Variants in RAD51B observed in about 807,000 individuals in gnomAD.
RAD51B encodes RAD51 paralog B, also known as DNA repair protein RAD51 homolog 2.
RAD51B carries 38 observed loss-of-function variants against 42.2 expected under a neutral mutation model. The ratio of observed to expected loss-of-function variants is 0.90; its 90% CI spans 0.70 to 1.18. RAD51B has a LOEUF of 1.18. Ranked by LOEUF, RAD51B falls within the 50% of genes most tolerant of loss-of-function variation. RAD51B has a pLI of 0.00. For synonymous variants in RAD51B, 154 were observed against 145.2 expected, an observed-to-expected ratio of 1.06 and a Z score of -0.43; for missense variants, 373 against 400.7, an observed-to-expected ratio of 0.93 and a Z score of 0.59.
At chr14:68,431,224 T>C (rs12890594) in intron 9 of RAD51B, among the ~76,000 whole-genome samples, 6 of 152,314 alleles carry the variant, frequency 3.9e-5, no homozygotes, top group African/African-American at 9.6e-5. Flanking sequence ...TTTTTTGTTG[T>C]GTCTCTGCCA....
chr14:68,364,258 C>G (rs943975359), intron 8 of RAD51B, among the ~76,000 whole-genome samples: 1 of 152,204 alleles, frequency 6.6e-6, no homozygotes, highest in African/African-American at 2.4e-5. Flanking sequence ...CTCAGGGGAG[C>G]CCTGTCTCCA....
chr14:68,049,276 T>C (rs1322465301), intron 7 of RAD51B, among the ~76,000 whole-genome samples: 5 of 152,060 alleles, frequency 3.3e-5, no homozygotes, highest in South Asian at 2.1e-4. Context: ...TTAATGGGTG[T>C]AGCACACCAA....
chr14:68,089,678 C>G (rs1326883473), intron 7 of RAD51B, among the ~76,000 whole-genome samples: 1 of 152,184 alleles, frequency 6.6e-6, no homozygotes, highest in African/African-American at 2.4e-5. Flanking sequence ...TCCCACCATC[C>G]CCTTTCCCCC....
At chr14:68,035,957 G>T (rs1010264945) in intron 7 of RAD51B, among the ~76,000 whole-genome samples, 8 of 152,070 alleles carry the variant, frequency 5.3e-5, no homozygotes, top group Non-Finnish European at 1.2e-4. Context: ...TGATCTAGAT[G>T]GCAGTTTATT....
intron 10 of RAD51B, among the ~76,000 whole-genome samples, chr14:68,574,507 G>A (rs1244622535): frequency 6.6e-6 from 1 of 152,150 alleles, no homozygotes; most frequent in Non-Finnish European, 1.5e-5. Context: ...CATCTTTGTG[G>A]ATCTCTACCA....
intron 10 of RAD51B, among the ~76,000 whole-genome samples, chr14:68,573,869 C>G (rs1889830758): frequency 6.6e-6 from 1 of 152,204 alleles, no homozygotes; most frequent in Non-Finnish European, 1.5e-5. Flanking sequence ...GTTCCCTCTA[C>G]AGAGCCCGGC....
chr14:68,310,802 G>A (rs749095660), intron 8 of RAD51B, among the ~76,000 whole-genome samples: 10 of 152,088 alleles, frequency 6.6e-5, no homozygotes, highest in African/African-American at 1.4e-4. Context: ...CAGAGATCAC[G>A]CCACTGCACT....
Position 67,887,148 on chromosome 14 carries a change from T to C in RAD51B, c.700T>C (p.Phe234Leu). ...AGGCAATCTCAAAGAAAGAAACAAG[T>C]TCTTGGCAAGAGAGGCATCCTCCTT... Reference protein sequence around the residue: ...LQGNLKERNKFLAREASSLKY... With the variant: ...LQGNLKERNKLLAREASSLKY... The change falls in exon 7 of 11, where the codon TTC (phenylalanine) becomes CTC (leucine). Residue 234 changes from phenylalanine (F) to leucine (L), a missense_variant. By Grantham distance (22) the Phe-to-Leu change is conservative (BLOSUM62 0). Coordinates refer to ENST00000471583, the MANE Select transcript of RAD51B (RefSeq NM_133510.4). 6.2e-7 allele frequency: 1 copy of C among 1,612,410 alleles called. No individual in the cohort carries two copies. Among genetic ancestry groups the C allele is most frequent in the Non-Finnish European group, 8.5e-7 (1 of 1,178,968 alleles).
chr14:68,200,229 G>A (rs1008154219), intron 7 of RAD51B, among the ~76,000 whole-genome samples: 1 of 152,070 alleles, frequency 6.6e-6, no homozygotes, highest in Non-Finnish European at 1.5e-5. Flanking sequence ...GTCCATGAAG[G>A]CAATCTCAGC....
chr14:68,303,372 G>A lies in RAD51B; in HGVS notation c.853+11392G>A, dbSNP rs150727582. ...TACCTAATGTAGATGACAGGTTGAC[G>A]GGTGCAGCAAACCACCATGGCACAT... On this transcript the variant is annotated intron_variant, in intron 8 of 10. Transcript: ENST00000471583. 1.5e-3 allele frequency among the ~76,000 whole-genome samples: 224 copies of A among 151,600 alleles called. 2 individuals carry two copies. In the East Asian group the frequency reaches 0.036, roughly 25 times the overall value.
At chr14:68,320,988 C>A (rs560780220) in intron 8 of RAD51B, among the ~76,000 whole-genome samples, 37 of 152,262 alleles carry the variant, frequency 2.4e-4, no homozygotes, top group African/African-American at 8.9e-4. Flanking sequence ...ATGTTTCTTT[C>A]CCCCCTGCAG....
At chr14:68,017,162 TG>T (rs2075789654) in intron 7 of RAD51B, among the ~76,000 whole-genome samples, 1 of 152,192 alleles carries the variant, frequency 6.6e-6, no homozygotes, top group South Asian at 2.1e-4. Flanking sequence ...TCTAGTTTTT[TG>T]TTGAATTACA....
intron 7 of RAD51B, among the ~76,000 whole-genome samples, chr14:68,238,444 G>A (rs1426267231): frequency 6.6e-6 from 1 of 152,108 alleles, no homozygotes; most frequent in Non-Finnish European, 1.5e-5. Context: ...AGTACTACAG[G>A]TATGTACCAC....
chr14:68,571,639 T>A (rs887341416), intron 10 of RAD51B, among the ~76,000 whole-genome samples: 1 of 152,240 alleles, frequency 6.6e-6, no homozygotes, highest in African/African-American at 2.4e-5. Flanking sequence ...GTTAGCTAAC[T>A]AACAGCCTTA....
chr14:68,342,608 G>C (rs1401567605), intron 8 of RAD51B, among the ~76,000 whole-genome samples: 1 of 151,988 alleles, frequency 6.6e-6, no homozygotes, highest in Non-Finnish European at 1.5e-5. Flanking sequence ...TCTTTCTAAT[G>C]AAGAGTTTAG....
At chr14:68,220,694 A>G (rs2079907462) in intron 7 of RAD51B, among the ~76,000 whole-genome samples, 1 of 152,216 alleles carries the variant, frequency 6.6e-6, no homozygotes, top group Non-Finnish European at 1.5e-5. Flanking sequence ...ATATGATGGT[A>G]TACCTAGAAA....
At chr14:67,961,170 C>G (rs542759258) in intron 7 of RAD51B, among the ~76,000 whole-genome samples, 10 of 151,638 alleles carry the variant, frequency 6.6e-5, no homozygotes, top group Admixed American at 5.3e-4. Flanking sequence ...CCACACCTGG[C>G]TAATTTTTTT....
chr14:68,521,783 TTTCAGAGTGG>T (rs1234684083), intron 10 of RAD51B, among the ~76,000 whole-genome samples: 24 of 152,292 alleles, frequency 1.6e-4, no homozygotes, highest in Middle Eastern at 3.4e-3. Context: ...CCTCCAGAAT[TTTCAGAGTGG>T]TTCCTTTGGC....
chr14:68,232,380 A>G (rs1216995114), intron 7 of RAD51B, among the ~76,000 whole-genome samples: 2 of 152,166 alleles, frequency 1.3e-5, no homozygotes, highest in African/African-American at 4.8e-5. Flanking sequence ...AAAAAAAGAA[A>G]AGAAAAGCAA....
Sources: allele counts gnomAD v4.1 joint callset (sites outside exome capture counted in the v4.1 genomes callset), GRCh38; gene constraint gnomAD v4.1.1; transcripts MANE v1.5; gene names NCBI Gene and HGNC (gene_info 2026-07-23, HGNC 2026-07-21).